Variants in SYTL5 observed in about 807,000 individuals in gnomAD.
SYTL5 encodes synaptotagmin-like protein 5.
SYTL5 carries 34 observed loss-of-function variants against 55.9 expected under a neutral mutation model. That is an observed-to-expected ratio of 0.61 (90% CI 0.46 to 0.81). The LOEUF is 0.81. SYTL5 is among the 30% of genes least tolerant of loss of function. SYTL5 has a pLI of 0.00. For missense variants in SYTL5, 637 were observed against 546.7 expected, an observed-to-expected ratio of 1.17 and a Z score of -1.65; for synonymous variants, 221 against 188.7, an observed-to-expected ratio of 1.17 and a Z score of -1.40.
intron 9 of SYTL5, among the ~76,000 whole-genome samples, chrX:38,101,681 GTA>G (rs201746316): frequency 0.035 from 3,794 of 109,634 alleles, 147 homozygotes; most frequent in African/African-American, 0.12. Context: ...ATGTGTGTGT[GTA>G]TATATATATG....
chrX:38,126,320 C>T (rs1201177316), intron 16 of SYTL5, among the ~76,000 whole-genome samples: 2 of 112,286 alleles, frequency 1.8e-5, no homozygotes, highest in Non-Finnish European at 3.8e-5. Context: ...TAGCACAGTC[C>T]AGATGAACCA....
At chrX:38,094,920 G>T (rs911888492) in intron 8 of SYTL5, among the ~76,000 whole-genome samples, 5 of 111,754 alleles carry the variant, frequency 4.5e-5, no homozygotes, top group South Asian at 3.7e-4. Flanking sequence ...ACTCAAATAT[G>T]TCATTTTACT....
the SYTL5 span, among the ~76,000 whole-genome samples, chrX:37,909,961 C>G: frequency 1.8e-5 from 2 of 111,386 alleles, no homozygotes; most frequent in Admixed American, 9.5e-5. Context: ...AAGCCTGATT[C>G]ATCATGCCTG....
At chrX:37,996,170 G>T in the SYTL5 span, among the ~76,000 whole-genome samples, 1 of 112,001 alleles carries the variant, frequency 8.9e-6, no homozygotes, top group South Asian at 3.8e-4. Flanking sequence ...ATCCCTTTAA[G>T]AATTGTGCTC....
intron 1 of SYTL5, among the ~76,000 whole-genome samples, chrX:38,020,042 A>G (rs1934495332): frequency 9.0e-6 from 1 of 111,283 alleles, no homozygotes; most frequent in Non-Finnish European, 1.9e-5. Flanking sequence ...TTCAGACCGA[A>G]CATGTCTTTT....
chrX:37,977,801 G>A, the SYTL5 span, among the ~76,000 whole-genome samples: 1 of 109,362 alleles, frequency 9.1e-6, no homozygotes, highest in Non-Finnish European at 1.9e-5. Context: ...AGGAAGAGTA[G>A]GGTGACTCAC....
At chrX:37,891,940 C>A in the SYTL5 span, among the ~76,000 whole-genome samples, 1 of 111,657 alleles carries the variant, frequency 9.0e-6, no homozygotes, top group South Asian at 3.7e-4. Flanking sequence ...CCAAATTGTT[C>A]ATCTCCTTGG....
At chrX:37,970,870 A>G in the SYTL5 span, among the ~76,000 whole-genome samples, 4 of 112,414 alleles carry the variant, frequency 3.6e-5, no homozygotes, top group South Asian at 1.4e-3. Context: ...TTTATAGTTT[A>G]TAACCCTTAT....
chrX:38,009,076 TTC>T (rs1934089455), intron 1 of SYTL5, among the ~76,000 whole-genome samples: 2 of 112,012 alleles, frequency 1.8e-5, no homozygotes, highest in Non-Finnish European at 3.8e-5. Flanking sequence ...TTCTTAAATT[TTC>T]TCTTTCCTTC....
In SYTL5 at chrX:38,108,647, G is replaced by C; in HGVS notation, c.1382G>C (p.Arg461Pro). Residue 461 changes from arginine (R) to proline (P), a missense_variant, in exon 12 of 17, where the codon CGT (arginine) becomes CCT (proline). Transcript: ENST00000297875. ...LLPDKSRNNK[R>P]KTKIRTGTNP... ...CCTGACAAGTCCCGGAACAACAAGC[G>C]TAAGACCAAAATCAGAACAGGCACC... is the stretch of plus-strand genomic sequence containing the variant. 1.7e-6 allele frequency: 2 copies of C among 1,203,885 alleles called. No individual in the cohort carries two copies. Among genetic ancestry groups the C allele is most frequent in the South Asian group, 1.8e-5 (1 of 55,735 alleles).
chrX:37,897,717 A>G, the SYTL5 span, among the ~76,000 whole-genome samples: 2 of 111,542 alleles, frequency 1.8e-5, no homozygotes, highest in African/African-American at 6.5e-5. Flanking sequence ...CTGCTACACC[A>G]TAAGTACTAT....
intron 9 of SYTL5, among the ~76,000 whole-genome samples, chrX:38,099,249 A>G (rs1178418409): frequency 9.0e-6 from 1 of 111,270 alleles, no homozygotes; most frequent in Non-Finnish European, 1.9e-5. Context: ...ATAAGGGTTC[A>G]TTATGCTATG....
the SYTL5 span, among the ~76,000 whole-genome samples, chrX:37,971,117 C>G: frequency 3.0e-5 from 3 of 101,252 alleles, no homozygotes; most frequent in African/African-American, 7.0e-5. Flanking sequence ...AATTAGAGCT[C>G]TTTACATATT....
chrX:38,007,418 A>G (rs772754137), intron 1 of SYTL5, among the ~76,000 whole-genome samples: 5 of 111,555 alleles, frequency 4.5e-5, no homozygotes, highest in Admixed American at 9.5e-5. Flanking sequence ...TGAAAAACGT[A>G]ATTTTACAAC....
chrX:37,893,320 A>G, the SYTL5 span, among the ~76,000 whole-genome samples: 1 of 99,533 alleles, frequency 1.0e-5, no homozygotes, highest in African/African-American at 3.6e-5. Context: ...TGTATATATA[A>G]CATACTACAC....
the SYTL5 span, among the ~76,000 whole-genome samples, chrX:37,899,228 G>A: frequency 9.1e-6 from 1 of 110,000 alleles, no homozygotes; most frequent in South Asian, 4.0e-4. Context: ...TTAGAGACGG[G>A]CCTTATTAGG....
At chrX:38,076,359 G>A (rs1408038806) in intron 5 of SYTL5, among the ~76,000 whole-genome samples, 6 of 111,704 alleles carry the variant, frequency 5.4e-5, no homozygotes, top group African/African-American at 6.5e-5. Context: ...CAAGTGGTAC[G>A]GTCTTGAGAG....
At chrX:38,006,939 G>A (rs369805246) in intron 1 of SYTL5, among the ~76,000 whole-genome samples, 4 of 111,231 alleles carry the variant, frequency 3.6e-5, no homozygotes, top group East Asian at 5.6e-4. Context: ...GTGAAGCATT[G>A]CACTAGGTTC....
the SYTL5 span, among the ~76,000 whole-genome samples, chrX:37,926,806 A>C: frequency 8.9e-6 from 1 of 111,976 alleles, no homozygotes; most frequent in East Asian, 2.8e-4. Context: ...CCATGATTTC[A>C]TATTTTAAAT....
Sources: gnomAD v4.1 joint callset for allele counts (sites outside exome capture counted in the v4.1 genomes callset) on GRCh38, gnomAD v4.1.1 for gene constraint, MANE v1.5 for transcripts, NCBI Gene and HGNC (gene_info 2026-07-23, HGNC 2026-07-21) for gene names.